Variants in ATRNL1 observed in about 807,000 individuals in gnomAD.
ATRNL1 encodes the protein attractin-like protein 1.
A neutral mutation model predicts 182.7 loss-of-function variants in ATRNL1; 95 were observed. The observed-to-expected ratio is 0.52, with a 90% CI of 0.44 to 0.62. The LOEUF (loss-of-function observed/expected upper bound fraction) is 0.62. ATRNL1 is among the 20% of genes least tolerant of loss of function. The pLI, the probability that ATRNL1 is intolerant of heterozygous loss-of-function variation, is 0.00. For synonymous variants in ATRNL1, 576 were observed against 568.3 expected, an observed-to-expected ratio of 1.01 and a Z score of -0.19; for missense variants, 1,471 against 1,679.5, an observed-to-expected ratio of 0.88 and a Z score of 2.17.
chr10:115,128,826 CAA>C (rs369416130), intron 4 of ATRNL1, among the ~76,000 whole-genome samples: 5,749 of 110,458 alleles, frequency 0.052, 352 homozygotes, highest in African/African-American at 0.17. Flanking sequence ...GACTGTGTCT[CAA>C]AAAAAAAAAA....
At chr10:115,905,387 A>AT (rs112510400) in intron 28 of ATRNL1, among the ~76,000 whole-genome samples, 49,070 of 142,254 alleles carry the variant, frequency 0.34, 10,096 homozygotes, top group African/African-American at 0.61. Flanking sequence ...CACCCAGCTA[A>AT]TTTTTTTTTT....
At chr10:115,586,921 G>T (rs1261149667) in intron 26 of ATRNL1, among the ~76,000 whole-genome samples, 9 of 117,188 alleles carry the variant, frequency 7.7e-5, no homozygotes, top group African/African-American at 2.4e-4. Context: ...GTAATGTACA[G>T]ATGGGTTTTT....
intron 27 of ATRNL1, among the ~76,000 whole-genome samples, chr10:115,842,342 A>G (rs1950829427): frequency 6.6e-6 from 1 of 152,124 alleles, no homozygotes; most frequent in Non-Finnish European, 1.5e-5. Flanking sequence ...TAGATGTGCC[A>G]TTTAAAGTAA....
At chr10:115,656,196 T>C (rs1860320293) in intron 26 of ATRNL1, among the ~76,000 whole-genome samples, 1 of 152,166 alleles carries the variant, frequency 6.6e-6, no homozygotes. Flanking sequence ...CTTTGTAATG[T>C]CCCCTTTATT....
intron 27 of ATRNL1, among the ~76,000 whole-genome samples, chr10:115,740,909 ATTTTTTATGAAGGAG>A (rs1429717266): frequency 6.6e-6 from 1 of 151,966 alleles, no homozygotes; most frequent in Non-Finnish European, 1.5e-5. Context: ...TTTAAGTGCA[ATTTTTTATGAAGGAG>A]TTTTTATTTC....
chr10:115,437,141 T>G (rs1184568126), intron 21 of ATRNL1, among the ~76,000 whole-genome samples: 1 of 151,952 alleles, frequency 6.6e-6, no homozygotes, highest in East Asian at 1.9e-4. Flanking sequence ...AAGGACAGCA[T>G]GTACAAAGGT....
At chr10:115,837,560 T>A (rs1950707710) in intron 27 of ATRNL1, among the ~76,000 whole-genome samples, 1 of 150,874 alleles carries the variant, frequency 6.6e-6, no homozygotes, top group African/African-American at 2.4e-5. Flanking sequence ...TCTAAGCATA[T>A]CCATCCATAA....
At chr10:115,599,832 AT>A (rs1450560984) in intron 26 of ATRNL1, among the ~76,000 whole-genome samples, 1 of 152,214 alleles carries the variant, frequency 6.6e-6, no homozygotes, top group Non-Finnish European at 1.5e-5. Context: ...TATTATAAAA[AT>A]ATAACATATA....
intron 27 of ATRNL1, among the ~76,000 whole-genome samples, chr10:115,778,270 T>G (rs1949176767): frequency 6.6e-6 from 1 of 152,142 alleles, no homozygotes; most frequent in African/African-American, 2.4e-5. Flanking sequence ...AAGAGCTATC[T>G]ACTAGATGAC....
chr10:115,847,829 G>C (rs782198283), intron 27 of ATRNL1, 48 bp from the exon 28 acceptor site: 4 of 954,706 alleles, frequency 4.2e-6, no homozygotes, highest in Non-Finnish European at 6.8e-6. Flanking sequence ...AATTAAAATA[G>C]CAATGCTATG....
intron 20 of ATRNL1, among the ~76,000 whole-genome samples, chr10:115,395,964 G>A (rs1456318282): frequency 6.6e-6 from 1 of 151,156 alleles, no homozygotes; most frequent in Non-Finnish European, 1.5e-5. Context: ...CAGAAACATA[G>A]GGAAAGTTTA....
chr10:115,095,032 T>G (rs576976144), intron 1 of ATRNL1, among the ~76,000 whole-genome samples: 62 of 152,310 alleles, frequency 4.1e-4, no homozygotes, highest in African/African-American at 1.4e-3. Context: ...TTCGTACTGG[T>G]TGGTGTTTAT....
intron 28 of ATRNL1, among the ~76,000 whole-genome samples, chr10:115,869,964 CTTTTTTTTTTTTTT>C (rs150345069): frequency 2.8e-5 from 2 of 71,692 alleles, no homozygotes; most frequent in South Asian, 1.6e-3. Flanking sequence ...GTTCCCAGAC[CTTTTTTTTTTTTTT>C]TTTTTTTTTT....
At chr10:115,257,904 ATTCTT>A (rs1449931460) in intron 10 of ATRNL1, among the ~76,000 whole-genome samples, 6 of 152,188 alleles carry the variant, frequency 3.9e-5, no homozygotes, top group Non-Finnish European at 7.3e-5. Context: ...TGGGTTGAAA[ATTCTT>A]TTCTTTAAGA....
Position 115,682,669 on chromosome 10 carries a change from T to TATGGTGATGATG in ATRNL1, c.3796-44576_3796-44575insGTGATGATGATG, listed in dbSNP as rs1555045086. On this transcript the variant is annotated intron_variant, in intron 26 of 28. Coordinates refer to ENST00000355044, the MANE Select transcript of ATRNL1 (RefSeq NM_207303.4). ...TAGTAAACACTCAATAGATAATACA[T>TATGGTGATGATG]ATGATGATGATGATGATGATGATGA... 5.9e-3 allele frequency among the ~76,000 whole-genome samples: 883 copies of TATGGTGATGATG among 150,070 alleles called. 10 individuals carry two copies. Among genetic ancestry groups the TATGGTGATGATG allele is most frequent in the African/African-American group, 0.021 (852 of 40,518 alleles).
chr10:115,738,156 T>TTTTTTTTTTTTTTTTTTTG, intron 27 of ATRNL1, among the ~76,000 whole-genome samples: 1 of 128,628 alleles, frequency 7.8e-6, no homozygotes, highest in Non-Finnish European at 1.6e-5. Context: ...TTTTTTTTTT[T>TTTTTTTTTTTTTTTTTTTG]GAGATGGAGT....
intron 6 of ATRNL1, among the ~76,000 whole-genome samples, chr10:115,160,861 T>A (rs1554883114): frequency 6.6e-6 from 1 of 151,952 alleles, no homozygotes; most frequent in African/African-American, 2.4e-5. Flanking sequence ...GTGTTCATAT[T>A]ATGTAATAAC....
chr10:115,420,333 G>C (rs574328603), intron 20 of ATRNL1, among the ~76,000 whole-genome samples: 2 of 152,126 alleles, frequency 1.3e-5, no homozygotes, highest in South Asian at 4.1e-4. Context: ...CATGAGCCAT[G>C]GCGGCCTGGC....
chr10:115,623,187 A>T lies in ATRNL1; in HGVS notation c.3795+73651A>T, dbSNP rs146261329. 1.2e-4 allele frequency among the ~76,000 whole-genome samples: 19 copies of T among 152,324 alleles called. No homozygotes were observed. In the East Asian group the frequency reaches 3.5e-3, roughly 28 times the overall value. On this transcript the variant is annotated intron_variant, in intron 26 of 28. Coordinates refer to ENST00000355044, the MANE Select transcript of ATRNL1 (RefSeq NM_207303.4). The stretch of plus-strand genomic sequence containing the variant: ...TATATGGAACCCTGATCAAAAAGGG[A>T]ACAAAAATGTATGTACACATACAAC...
Sources: gnomAD v4.1 joint callset for allele counts (sites outside exome capture counted in the v4.1 genomes callset) on GRCh38, gnomAD v4.1.1 for gene constraint, MANE v1.5 for transcripts, NCBI Gene and HGNC (gene_info 2026-07-23, HGNC 2026-07-21) for gene names.